PDLIM1: variants seen among roughly 807,000 people sequenced by gnomAD.
The protein encoded by PDLIM1 is PDZ and LIM domain protein 1.
In PDLIM1, 25 loss-of-function variants were observed where a neutral mutation model predicts 35.2. The observed-to-expected ratio is 0.71, with a 90% CI of 0.52 to 0.99. PDLIM1 has a LOEUF of 0.99. PDLIM1 is among the 50% of genes least tolerant of loss of function. The probability of loss-of-function intolerance (pLI) is 0.00; values close to 1 mark genes in which losing one functional copy is unlikely to be tolerated. For synonymous variants in PDLIM1, 152 were observed against 154.0 expected, an observed-to-expected ratio of 0.99 and a Z score of 0.10; for missense variants, 363 against 415.3, an observed-to-expected ratio of 0.87 and a Z score of 1.09.
chr10:95,290,576 T>G lies in PDLIM1; in HGVS notation c.96+244A>C, dbSNP rs2035644232. 6.6e-6 allele frequency among the ~76,000 whole-genome samples: 1 copy of G among 152,076 alleles called. No homozygotes were observed. The highest frequency in any genetic ancestry group is 6.5e-5 in the Admixed American group (1 of 15,272). ...CGGGGCCAAAGAACGAAAACTGCCT[T>G]CTTTTTTTCTGGCGGACACGGAGCG... On this transcript the variant is annotated intron_variant, in intron 1 of 6. Transcript: ENST00000329399. The surrounding 1 kb of genome is among the most constrained non-coding windows in gnomAD (Gnocchi z 4.7).
At chr10:95,281,394 C>T (rs972777072) in intron 1 of PDLIM1, among the ~76,000 whole-genome samples, 1 of 152,026 alleles carries the variant, frequency 6.6e-6, no homozygotes, top group Non-Finnish European at 1.5e-5. Flanking sequence ...GTCCGGGCAA[C>T]ACAGTGGGAC....
intron 4 of PDLIM1, among the ~76,000 whole-genome samples, chr10:95,255,324 T>TAAAAAAAAAAA (rs56689408): frequency 9.7e-6 from 1 of 102,914 alleles, no homozygotes; most frequent in African/African-American, 4.1e-5. Context: ...CCAAAGATAC[T>TAAAAAAAAAAA]AAAAAAAAAA....
At chr10:95,287,305 C>T (rs936947218) in intron 1 of PDLIM1, among the ~76,000 whole-genome samples, 6 of 152,206 alleles carry the variant, frequency 3.9e-5, no homozygotes, top group Non-Finnish European at 5.9e-5. Flanking sequence ...CTCTTTCAAT[C>T]TTTACGACAT....
Position 95,264,026 on chromosome 10 carries a change from G to A in PDLIM1, c.371C>T (p.Ala124Val). ...LHIGSAHNRS[A>V]MPFTASPASS... ...GGCAGGCGAGGCGGTAAAGGGCATGGCACTTCGGTTGTGGGCGCTTCCTAT... is the reference window on the plus strand; with the variant it reads ...GGCAGGCGAGGCGGTAAAGGGCATGACACTTCGGTTGTGGGCGCTTCCTAT... Residue 124 changes from alanine to valine, a missense_variant, in exon 4 of 7, where the codon GCC becomes GTC. Coordinates refer to ENST00000329399, the MANE Select transcript of PDLIM1 (RefSeq NM_020992.4). 6.2e-7 allele frequency: 1 copy of A among 1,613,738 alleles called. No individual in the cohort carries two copies. Among genetic ancestry groups the A allele is most frequent in the Non-Finnish European group, 8.5e-7 (1 of 1,179,852 alleles).
chr10:95,261,763 C>A (rs971385326), intron 4 of PDLIM1, among the ~76,000 whole-genome samples: 3 of 152,152 alleles, frequency 2.0e-5, no homozygotes, highest in Non-Finnish European at 4.4e-5. Flanking sequence ...AAGCCCAGCA[C>A]TTTGGGAGGC....
intron 2 of PDLIM1, among the ~76,000 whole-genome samples, chr10:95,271,398 C>A (rs983693430): frequency 6.8e-6 from 1 of 146,034 alleles, no homozygotes; most frequent in African/African-American, 2.6e-5. Flanking sequence ...GATTGCACCA[C>A]TGCACTCCAG....
At chr10:95,269,838 C>A (rs568341638) in intron 2 of PDLIM1, among the ~76,000 whole-genome samples, 1 of 152,198 alleles carries the variant, frequency 6.6e-6, no homozygotes, top group East Asian at 1.9e-4. Flanking sequence ...CAGGCTCAAG[C>A]GATTCTCCCA....
intron 5 of PDLIM1, among the ~76,000 whole-genome samples, chr10:95,244,032 T>C (rs2035198939): frequency 6.6e-6 from 1 of 152,198 alleles, no homozygotes; most frequent in Admixed American, 6.5e-5. Flanking sequence ...ATGGTGGTGA[T>C]AGTAGCACAA....
At chr10:95,251,616 C>T (rs1176910359) in intron 4 of PDLIM1, among the ~76,000 whole-genome samples, 1 of 152,164 alleles carries the variant, frequency 6.6e-6, no homozygotes, top group East Asian at 1.9e-4. Flanking sequence ...TTTAATAAAA[C>T]TACCTGTATG....
At chr10:95,274,768 A>C (rs1296875227) in intron 1 of PDLIM1, among the ~76,000 whole-genome samples, 2 of 152,226 alleles carry the variant, frequency 1.3e-5, no homozygotes, top group Non-Finnish European at 2.9e-5. Flanking sequence ...AAATTTTAAC[A>C]GTGAGAAAAT....
At chr10:95,279,656 C>A (rs1425849660) in intron 1 of PDLIM1, among the ~76,000 whole-genome samples, 2 of 152,172 alleles carry the variant, frequency 1.3e-5, no homozygotes, top group Non-Finnish European at 1.5e-5. Flanking sequence ...TGTGATTACT[C>A]AGGGGAGCAA....
intron 4 of PDLIM1, among the ~76,000 whole-genome samples, chr10:95,259,197 A>C (rs976126992): frequency 6.6e-6 from 1 of 152,176 alleles, no homozygotes; most frequent in Non-Finnish European, 1.5e-5. Flanking sequence ...AAATTGGTAA[A>C]GGGTATAGGG....
intron 4 of PDLIM1, 96 bp from the exon 5 acceptor site, chr10:95,247,462 G>C (rs559109455): frequency 1.0e-6 from 1 of 997,788 alleles, no homozygotes; most frequent in Non-Finnish European, 1.5e-6. Flanking sequence ...TGATTTGAAG[G>C]ATGGATAGAA....
intron 2 of PDLIM1, among the ~76,000 whole-genome samples, chr10:95,269,407 A>C (rs1212740234): frequency 6.6e-6 from 1 of 152,088 alleles, no homozygotes; most frequent in East Asian, 1.9e-4. Flanking sequence ...CCCCATCTCC[A>C]CTAAAAATAC....
intron 4 of PDLIM1, among the ~76,000 whole-genome samples, chr10:95,259,799 T>A (rs931510231): frequency 6.6e-6 from 1 of 152,214 alleles, no homozygotes; most frequent in Non-Finnish European, 1.5e-5. Flanking sequence ...ATCTCCCTCA[T>A]GAATGTTTGG....
In PDLIM1 at chr10:95,258,482, A is replaced by T. The variant is rs566799830; in HGVS notation, c.533+5382T>A. ...GCGCCACTGCACTCCAGCCTGGGGGACAGAGCGAGACTCTGTCTCAAAAAA... is the reference window on the plus strand; with the variant it reads ...GCGCCACTGCACTCCAGCCTGGGGGTCAGAGCGAGACTCTGTCTCAAAAAA... On this transcript the variant is annotated intron_variant, in intron 4 of 6. Transcript: ENST00000329399. Among the ~76,000 whole-genome samples the T allele has an allele frequency of 6.6e-5, 10 of 152,168 alleles. No homozygotes were observed. In the East Asian group the frequency reaches 1.9e-3, roughly 29 times the overall value.
chr10:95,260,494 A>C (rs1396948168), intron 4 of PDLIM1, among the ~76,000 whole-genome samples: 1 of 152,178 alleles, frequency 6.6e-6, no homozygotes, highest in Admixed American at 6.5e-5. Context: ...ATAAATGATT[A>C]TGCTGAACTG....
At chr10:95,281,561 T>C (rs1372778664) in intron 1 of PDLIM1, among the ~76,000 whole-genome samples, 1 of 152,248 alleles carries the variant, frequency 6.6e-6, no homozygotes, top group Non-Finnish European at 1.5e-5. Flanking sequence ...AGCAGGATGC[T>C]GTCTCAAACA....
At chr10:95,274,658 C>G (rs1254250036) in intron 1 of PDLIM1, among the ~76,000 whole-genome samples, 1 of 152,128 alleles carries the variant, frequency 6.6e-6, no homozygotes, top group Admixed American at 6.6e-5. Context: ...TGTTTGCAAA[C>G]CTCCTTGGTG....
Sources: gnomAD v4.1 joint callset for allele counts (sites outside exome capture counted in the v4.1 genomes callset) on GRCh38, gnomAD v4.1.1 for gene constraint, Gnocchi (gnomAD v3.1) non-coding constraint, MANE v1.5 for transcripts, NCBI Gene and HGNC (gene_info 2026-07-23, HGNC 2026-07-21) for gene names.